The following RPL28 variants were observed in gnomAD, a reference collection of about 807,000 sequenced individuals.
RPL28 encodes ribosomal protein L28.
Under a neutral mutation model 12.5 loss-of-function variants are expected in RPL28, and 4 were observed. The ratio of observed to expected loss-of-function variants is 0.32; its 90% confidence interval spans 0.16 to 0.73. The LOEUF (loss-of-function observed/expected upper bound fraction) is 0.73. Ranked by LOEUF, RPL28 falls within the 30% of genes least tolerant of loss-of-function variation. RPL28 has a pLI of 0.66. For synonymous variants in RPL28, 91 were observed against 72.5 expected, an observed-to-expected ratio of 1.26 and a Z score of -1.30; for missense variants, 214 against 197.7, an observed-to-expected ratio of 1.08 and a Z score of -0.49.
At chr19:55,401,556 C>G (rs754400170) in intron 4 of RPL28, 1 of 1,610,456 alleles carries the variant, frequency 6.2e-7, no homozygotes, top group South Asian at 1.1e-5. Context: ...CCCCTGGGGC[C>G]CCAGGGTCGG....
Position 55,388,530 on chromosome 19 carries a change from T to C in RPL28, c.*198T>C, listed in dbSNP as rs1157776524. On this transcript the variant is annotated 3_prime_UTR_variant, in exon 5 of 5. Coordinates refer to ENST00000344063, the MANE Select transcript of RPL28 (RefSeq NM_000991.5). ...TGCAGGAGGGGTGGGGTAGCTGCCT[T>C]GTCCCTGGTGAGGGCAAGGGTCACT... The C allele has an allele frequency of 1.6e-6, 2 of 1,289,624 alleles. No individual in the cohort carries two copies. The highest frequency in any genetic ancestry group is 3.1e-5 in the African/African-American group (2 of 65,114). 79.9% of individuals were successfully genotyped at this position (1,289,624 alleles called of 1,614,324 possible).
At chr19:55,393,184 A>G (rs551036044), downstream of RPL28, among the ~76,000 whole-genome samples, 1 of 151,474 alleles carries the variant, frequency 6.6e-6, no homozygotes, top group Admixed American at 6.6e-5. Context: ...TTCTCTACAC[A>G]GTAGCAAATT....
Position 55,389,408 on chromosome 19 carries a change from G to T in RPL28, c.*1076G>T, listed in dbSNP as rs2089967854. ...GCTGTTGATCCTCACATGTTTCCTGGGCACCTAACTCTGTCAGCCACTGCC... is the reference window on the plus strand; with the variant it reads ...GCTGTTGATCCTCACATGTTTCCTGTGCACCTAACTCTGTCAGCCACTGCC... On this transcript the variant is annotated 3_prime_UTR_variant, in exon 5 of 5. Coordinates refer to ENST00000344063, the MANE Select transcript of RPL28 (RefSeq NM_000991.5). The T allele has an allele frequency of 5.1e-6, 5 of 985,312 alleles. No homozygotes were observed. The highest frequency in any genetic ancestry group is 6.0e-6 in the Non-Finnish European group (5 of 829,932). The allele number at this position is 985,312 out of a possible 1,614,324, so 61.0% of individuals were successfully genotyped here. A position where few individuals can be genotyped will look rare whatever the true frequency, so the allele number is the denominator to read the frequency against.
At chr19:55,386,985 C>G in intron 3 of RPL28, 1 of 1,442,468 alleles carries the variant, frequency 6.9e-7, no homozygotes, top group South Asian at 1.5e-5. Flanking sequence ...ATGAAATTCT[C>G]AAAGCAAGTC....
rs2089981762 is a variant in RPL28, at chr19:55,390,687, C to G, written c.*2355C>G. 1.0e-6 allele frequency: 1 copy of G among 985,314 alleles called. No individual in the cohort carries two copies. Among genetic ancestry groups the G allele is most frequent in the Non-Finnish European group, 1.2e-6 (1 of 829,954 alleles). The allele number at this position is 985,314 out of a possible 1,614,324, so 61.0% of individuals were successfully genotyped here. ...CAGCCCAGCTTAGTGGGCCTCTGTTCCTGCGGGTGGCCAGCCTGTCTGTGT... is the reference window on the plus strand; with the variant it reads ...CAGCCCAGCTTAGTGGGCCTCTGTTGCTGCGGGTGGCCAGCCTGTCTGTGT... On this transcript the variant is annotated 3_prime_UTR_variant, in exon 5 of 5. Coordinates refer to ENST00000344063, the MANE Select transcript of RPL28 (RefSeq NM_000991.5).
At chr19:55,387,263 C>A (rs1428594575) in intron 3 of RPL28, 1 of 1,548,826 alleles carries the variant, frequency 6.5e-7, no homozygotes, top group East Asian at 2.4e-5. Flanking sequence ...GTGTTCTTGA[C>A]AGGGCTGTAT....
At position 55,390,867 on chromosome 19, in the gene RPL28, C is replaced by T. The variant is rs2089983808; in HGVS notation, c.*2535C>T. The T allele has an allele frequency of 1.0e-6, 1 of 985,374 alleles. No individual in the cohort carries two copies. The highest frequency in any genetic ancestry group is 1.2e-6 in the Non-Finnish European group (1 of 829,900). 61.0% of individuals were successfully genotyped at this position (985,374 alleles called of 1,614,324 possible). A position where few individuals can be genotyped will look rare whatever the true frequency, so the allele number is the denominator to read the frequency against. ...CAAACGTGGAGACACCATTTCCCTC[C>T]TCTAGACCTCATCTTGGAGAGAGAG... On this transcript the variant is annotated 3_prime_UTR_variant, in exon 5 of 5. Coordinates refer to ENST00000344063, the MANE Select transcript of RPL28 (RefSeq NM_000991.5).
At position 55,389,555 on chromosome 19, in the gene RPL28, C is replaced by G; in HGVS notation, c.*1223C>G. 1.0e-6 allele frequency: 1 copy of G among 985,458 alleles called. No homozygotes were observed. The allele number at this position is 985,458 out of a possible 1,614,324, so 61.0% of individuals were successfully genotyped here. ...CCGGCTCTGACTGAGAGTAAGGGGA[C>G]TGTCAGGGCCTCGACTTGCCATTGG... is the stretch of plus-strand genomic sequence containing the variant. On this transcript the variant is annotated 3_prime_UTR_variant, in exon 5 of 5. Transcript: ENST00000344063.
Position 55,391,356 on chromosome 19 carries a change from T to C in RPL28, c.*3024T>C. ...CCCATATGTAAAAGGCCATTTTGAGTGCCTTTCACAGCCCTGCATAAGGCA... is the reference window on the plus strand; with the variant it reads ...CCCATATGTAAAAGGCCATTTTGAGCGCCTTTCACAGCCCTGCATAAGGCA... On this transcript the variant is annotated 3_prime_UTR_variant, in exon 5 of 5. Transcript: ENST00000344063. The C allele has an allele frequency of 8.7e-7, 1 of 1,150,756 alleles. No individual in the cohort carries two copies. The highest frequency in any genetic ancestry group is 1.1e-6 in the Non-Finnish European group (1 of 911,338). The allele number at this position is 1,150,756 out of a possible 1,614,324, so 71.3% of individuals were successfully genotyped here. A position where few individuals can be genotyped will look rare whatever the true frequency, so the allele number is the denominator to read the frequency against.
Position 55,391,053 on chromosome 19 carries a change from A to G in RPL28, c.*2721A>G. The G allele has an allele frequency of 2.7e-6, 2 of 746,550 alleles. No homozygotes were observed. The highest frequency in any genetic ancestry group is 1.2e-4 in the South Asian group (2 of 16,658). 46.2% of individuals were successfully genotyped at this position (746,550 alleles called of 1,614,324 possible). ...CCAAAGACAAAATTGGGAGAACAAAAGAAAAGCGTCTTGTCACATACAGAA... is the reference window on the plus strand; with the variant it reads ...CCAAAGACAAAATTGGGAGAACAAAGGAAAAGCGTCTTGTCACATACAGAA... On this transcript the variant is annotated 3_prime_UTR_variant, in exon 5 of 5. Coordinates refer to ENST00000344063, the MANE Select transcript of RPL28 (RefSeq NM_000991.5).
At chr19:55,401,121 A>T in intron 4 of RPL28, 1 of 433,050 alleles carries the variant, frequency 2.3e-6, no homozygotes, top group Non-Finnish European at 4.1e-6. Context: ...CAGAACAAAG[A>T]GGTGGACCCA....
At chr19:55,392,107 T>C (rs1001624457), downstream of RPL28, 10 of 993,394 alleles carry the variant, frequency 1.0e-5, no homozygotes, top group African/African-American at 3.5e-5. Flanking sequence ...GAAATATGCA[T>C]GTGGTCTTGA....
At chr19:55,403,169 T>C (rs779080760) in exon 5 of RPL28, 38 of 685,542 alleles carry the variant, frequency 5.5e-5, no homozygotes, top group South Asian at 3.6e-4. Context: ...ATAATACCCC[T>C]TGGGGGGCAA....
chr19:55,386,479 T>C, intron 2 of RPL28, 41 bp downstream of exon 2: 1 of 1,607,816 alleles, frequency 6.2e-7, no homozygotes. Flanking sequence ...GGGAGGAGGG[T>C]CCTGAGTCTC....
At position 55,388,916 on chromosome 19, in the gene RPL28, G is replaced by C; in HGVS notation, c.*584G>C. The C allele has an allele frequency of 1.0e-6, 1 of 985,588 alleles. No homozygotes were observed. Among genetic ancestry groups the C allele is most frequent in the South Asian group, 4.7e-5 (1 of 21,292 alleles). 61.1% of individuals were successfully genotyped at this position (985,588 alleles called of 1,614,324 possible). ...GCTTATAACTGTAAGGGAGATGGCAGCCCCAGGGTACAGCCAGCAGGCATT... is the reference window on the plus strand; with the variant it reads ...GCTTATAACTGTAAGGGAGATGGCACCCCCAGGGTACAGCCAGCAGGCATT... On this transcript the variant is annotated 3_prime_UTR_variant, in exon 5 of 5. Coordinates refer to ENST00000344063, the MANE Select transcript of RPL28 (RefSeq NM_000991.5).
intron 4 of RPL28, among the ~76,000 whole-genome samples, chr19:55,399,488 G>T (rs1369820946): frequency 2.6e-5 from 4 of 152,176 alleles, no homozygotes. Flanking sequence ...TTTAACGGAG[G>T]TTTCATTACA....
intron 4 of RPL28, chr19:55,401,213 A>G (rs984432470): frequency 9.9e-6 from 6 of 604,202 alleles, no homozygotes; most frequent in Admixed American, 6.1e-5. Context: ...GGGCCTGTGC[A>G]GGGGAGCCAA....
intron 3 of RPL28, chr19:55,387,658 C>A: frequency 7.2e-7 from 1 of 1,384,334 alleles, no homozygotes; most frequent in Non-Finnish European, 9.3e-7. Context: ...CTAACTGAAG[C>A]GGCAGCTTTC....
Position 55,391,976 on chromosome 19 carries a change from T to C in RPL28, c.*3644T>C, listed in dbSNP as rs2089994437. 1 of 1,169,948 alleles carries C rather than the reference T, an allele frequency of 8.5e-7. No individual in the cohort carries two copies. Among genetic ancestry groups the C allele is most frequent in the Non-Finnish European group, 1.1e-6 (1 of 945,066 alleles). The allele number at this position is 1,169,948 out of a possible 1,614,324, so 72.5% of individuals were successfully genotyped here. On this transcript the variant is annotated 3_prime_UTR_variant, in exon 5 of 5. Coordinates refer to ENST00000344063, the MANE Select transcript of RPL28 (RefSeq NM_000991.5). ...CTGCCCGTGTTTGTGAATATCATTCTGTCCTCAGCTGCATTTCCAGCCCAG... is the reference window on the plus strand; with the variant it reads ...CTGCCCGTGTTTGTGAATATCATTCCGTCCTCAGCTGCATTTCCAGCCCAG...
Sources: allele counts gnomAD v4.1 joint callset (sites outside exome capture counted in the v4.1 genomes callset), GRCh38; gene constraint gnomAD v4.1.1; transcripts MANE v1.5; gene names NCBI Gene and HGNC (gene_info 2026-07-23, HGNC 2026-07-21).